STX17: variants seen among roughly 807,000 people sequenced by gnomAD.
STX17 encodes the protein syntaxin 17.
Under a neutral mutation model 35.9 loss-of-function variants are expected in STX17, and 29 were observed. The observed-to-expected ratio is 0.81, with a 90% CI of 0.60 to 1.10. The LOEUF is 1.10. Ranked by LOEUF, STX17 falls within the 50% of genes least tolerant of loss-of-function variation. STX17 has a pLI of 0.00. For synonymous variants in STX17, 92 were observed against 118.3 expected, an observed-to-expected ratio of 0.78 and a Z score of 1.44; for missense variants, 312 against 352.3, an observed-to-expected ratio of 0.89 and a Z score of 0.92.
chr9:99,935,913 T>A (rs1432887842), intron 3 of STX17, among the ~76,000 whole-genome samples: 5 of 152,010 alleles, frequency 3.3e-5, no homozygotes, highest in African/African-American at 9.7e-5. Context: ...GTGGCTAGTG[T>A]GAGCAAGGAG....
Position 99,964,951 on chromosome 9 carries a change from C to T in STX17, c.583-2702C>T, listed in dbSNP as rs987273664. On this transcript the variant is annotated intron_variant, in intron 6 of 7. Transcript: ENST00000259400. ...TTGAAGTTGCAAACCAAGCAAAATA[C>T]GGACAAGAGAAAGGCAGACGTGCAC... is the stretch of plus-strand genomic sequence containing the variant. Among the ~76,000 whole-genome samples the T allele has an allele frequency of 4.6e-5, 7 of 152,160 alleles. 1 individual carries two copies. Among genetic ancestry groups the T allele is most frequent in the South Asian group, 4.2e-4 (2 of 4,796 alleles).
At position 99,960,089 on chromosome 9, in the gene STX17, T is replaced by C; in HGVS notation, c.532-16T>C. 6.2e-7 allele frequency: 1 copy of C among 1,614,018 alleles called. No individual in the cohort carries two copies. The highest frequency in any genetic ancestry group is 8.5e-7 in the Non-Finnish European group (1 of 1,179,936). On this transcript the variant is annotated splice_polypyrimidine_tract_variant and intron_variant, in intron 5 of 7. Transcript: ENST00000259400. Reference sequence around the variant, plus strand: ...TGTGAGGCATAAAAGTAACTTCCTCTCCCTTTCTTTTAAAGGACTTAATTG... The same window carrying C: ...TGTGAGGCATAAAAGTAACTTCCTCCCCCTTTCTTTTAAAGGACTTAATTG...
chr9:99,923,724 G>T (rs1828934626), intron 2 of STX17, among the ~76,000 whole-genome samples: 1 of 152,144 alleles, frequency 6.6e-6, no homozygotes, highest in Non-Finnish European at 1.5e-5. Flanking sequence ...CCAGGCCCTT[G>T]GAACTTCTAA....
intron 3 of STX17, among the ~76,000 whole-genome samples, chr9:99,940,669 C>T (rs147030035): frequency 0.018 from 2,729 of 151,700 alleles, 83 homozygotes; most frequent in African/African-American, 0.062. Flanking sequence ...TTAGTAGAGA[C>T]GGGGTTTCTT....
intron 3 of STX17, among the ~76,000 whole-genome samples, chr9:99,946,551 C>T (rs1050589625): frequency 2.6e-5 from 4 of 152,104 alleles, no homozygotes; most frequent in Non-Finnish European, 5.9e-5. Flanking sequence ...TAGATTTACC[C>T]ACTTTTTAGC....
Position 99,915,409 on chromosome 9 carries a change from T to C in STX17, c.123+47T>C, listed in dbSNP as rs148389562. On this transcript the variant is annotated intron_variant, in intron 2 of 7. Coordinates refer to ENST00000259400, the MANE Select transcript of STX17 (RefSeq NM_017919.3). Reference sequence around the variant, plus strand: ...CACAAGAAATAGTTACATAGTTTGATTTATATTGGTTGTTCATTTCAGCTA... The same window carrying C: ...CACAAGAAATAGTTACATAGTTTGACTTATATTGGTTGTTCATTTCAGCTA... The C allele has an allele frequency of 4.1e-4, 637 of 1,550,540 alleles. 8 individuals carry two copies. In the East Asian group the frequency reaches 8.1e-3, roughly 20 times the overall value.
chr9:99,972,965 G>GC lies in STX17; in HGVS notation c.*4293dup, dbSNP rs1369847496. Among the ~76,000 whole-genome samples the GC allele has an allele frequency of 6.6e-6, 1 of 152,134 alleles. No individual in the cohort carries two copies. The highest frequency in any genetic ancestry group is 1.5e-5 in the Non-Finnish European group (1 of 68,020). Reference sequence around the variant, plus strand: ...TAAGTAATCAGAGGCCTAATAAAAGGCAGGGGAGTTTCTCTTCTAGCCTAA... The same window carrying GC: ...TAAGTAATCAGAGGCCTAATAAAAGGCCAGGGGAGTTTCTCTTCTAGCCTAA... On this transcript the variant is annotated 3_prime_UTR_variant, in exon 8 of 8. Transcript: ENST00000259400.
chr9:99,946,934 G>T (rs1475529200), intron 3 of STX17, among the ~76,000 whole-genome samples: 1 of 151,946 alleles, frequency 6.6e-6, no homozygotes, highest in Non-Finnish European at 1.5e-5. Context: ...TTCTGGCTAG[G>T]TGTATTTTTC....
intron 6 of STX17, chr9:99,967,272 AT>A (rs1054497118): frequency 1.8e-4 from 30 of 170,042 alleles, no homozygotes; most frequent in African/African-American, 7.2e-4. Context: ...TTAGGGAGGT[AT>A]TTTGGGGTTT....
chr9:99,948,530 T>C (rs1175822984), intron 3 of STX17, among the ~76,000 whole-genome samples: 1 of 152,174 alleles, frequency 6.6e-6, no homozygotes, highest in East Asian at 1.9e-4. Context: ...TTACTAGCAG[T>C]GTAATCCTGG....
chr9:99,967,984 T>C (rs1295924957), intron 7 of STX17, among the ~76,000 whole-genome samples: 1 of 152,194 alleles, frequency 6.6e-6, no homozygotes, highest in Non-Finnish European at 1.5e-5. Flanking sequence ...GCATTTGGTG[T>C]TACCAGGGAA....
At chr9:99,935,896 G>T (rs1035469996) in intron 3 of STX17, among the ~76,000 whole-genome samples, 2 of 152,156 alleles carry the variant, frequency 1.3e-5, no homozygotes, top group African/African-American at 4.8e-5. Context: ...ACAGTAAGGA[G>T]GTCAGTGTGG....
intron 2 of STX17, among the ~76,000 whole-genome samples, chr9:99,924,178 C>A (rs1828943403): frequency 6.6e-6 from 1 of 152,294 alleles, no homozygotes; most frequent in Non-Finnish European, 1.5e-5. Flanking sequence ...GGGGCAGGAC[C>A]CCCTCTGGAA....
chr9:99,949,968 C>A (rs868465041), intron 3 of STX17, among the ~76,000 whole-genome samples: 34 of 151,722 alleles, frequency 2.2e-4, no homozygotes, highest in African/African-American at 6.8e-4. Flanking sequence ...CACACACACT[C>A]CTATGTGCTA....
At chr9:99,942,402 T>C (rs1829385346) in intron 3 of STX17, among the ~76,000 whole-genome samples, 1 of 152,204 alleles carries the variant, frequency 6.6e-6, no homozygotes, top group East Asian at 1.9e-4. Context: ...TTTTTCACTG[T>C]CTTAGTGGTG....
Position 99,968,560 on chromosome 9 carries a change from G to T in STX17, c.796G>T (p.Val266Leu), listed in dbSNP as rs1237439124. 5 of 1,613,950 alleles carry T rather than the reference G, an allele frequency of 3.1e-6. No individual in the cohort carries two copies. Among genetic ancestry groups the T allele is most frequent in the Non-Finnish European group, 3.4e-6 (4 of 1,179,948 alleles). ...AGIAAALGGG[V>L]LGFTGGKLIQ... ...AATTGCAGCTGCACTTGGTGGTGGG[G>T]TGTTGGGCTTCACAGGTGGAAAATT... Residue 266 changes from valine to leucine, a missense_variant, in exon 8 of 8, where the codon GTG (valine) becomes TTG (leucine). Transcript: ENST00000259400.
intron 1 of STX17, chr9:99,914,235 A>T (rs1240517818): frequency 6.6e-6 from 1 of 152,244 alleles, no homozygotes; most frequent in Non-Finnish European, 1.5e-5. Flanking sequence ...AAATTTTTTA[A>T]ACATGGGTGA....
intron 2 of STX17, among the ~76,000 whole-genome samples, chr9:99,925,041 A>G (rs1019215052): frequency 1.3e-5 from 2 of 151,898 alleles, no homozygotes; most frequent in African/African-American, 4.8e-5. Flanking sequence ...ATTTTTGTCT[A>G]TTTGTCCATC....
intron 3 of STX17, among the ~76,000 whole-genome samples, chr9:99,940,379 G>C (rs190444320): frequency 6.6e-6 from 1 of 151,774 alleles, no homozygotes. Context: ...TGATCCGCCC[G>C]CGTCGGCCTC....
Sources: gnomAD v4.1 joint callset for allele counts (sites outside exome capture counted in the v4.1 genomes callset) on GRCh38, gnomAD v4.1.1 for gene constraint, MANE v1.5 for transcripts, NCBI Gene and HGNC (gene_info 2026-07-23, HGNC 2026-07-21) for gene names.